Variants in CAPZB observed in about 807,000 individuals in gnomAD.
CAPZB encodes the protein capping actin protein of muscle Z-line subunit beta, also known as F-actin-capping protein subunit beta.
CAPZB carries 2 observed loss-of-function variants against 38.1 expected under a neutral mutation model. That is an observed-to-expected ratio of 0.05 (90% CI 0.02 to 0.17). CAPZB has a LOEUF of 0.17. Ranked by LOEUF, CAPZB falls within the 10% of genes least tolerant of loss-of-function variation. The pLI is 1.00. For synonymous variants in CAPZB, 107 were observed against 127.4 expected (o/e 0.84, Z 1.08); for missense variants, 161 against 334.2 (o/e 0.48, Z 4.04).
chr1:19,341,498 G>A (rs1387826402), intron 8 of CAPZB, among the ~76,000 whole-genome samples: 1 of 152,192 alleles, frequency 6.6e-6, no homozygotes, highest in Admixed American at 6.5e-5. Flanking sequence ...GTGAAATGGT[G>A]GAAGGCGGAA....
At chr1:19,457,880 G>GA (rs1220030102) in intron 1 of CAPZB, among the ~76,000 whole-genome samples, 2 of 152,032 alleles carry the variant, frequency 1.3e-5, no homozygotes, top group Non-Finnish European at 1.5e-5. Context: ...ACAACAACTG[G>GA]AAAAAACCTA....
chr1:19,451,383 G>A lies in CAPZB; in HGVS notation c.4-31633C>T, dbSNP rs562400138. Among the ~76,000 whole-genome samples, 73 of 152,294 alleles carry A rather than the reference G, an allele frequency of 4.8e-4. 1 individual carries two copies. The Middle Eastern group carries it at 0.01, about 21-fold the overall frequency. On this transcript the variant is annotated intron_variant, in intron 1 of 8. Coordinates refer to ENST00000264202, the MANE Select transcript of CAPZB (RefSeq NM_004930.5). ...TCACTGACACAGATGGCATGCAAAAGGCCTTTCAGAGTGGAAATGGACAAT... is the reference window on the plus strand; with the variant it reads ...TCACTGACACAGATGGCATGCAAAAAGCCTTTCAGAGTGGAAATGGACAAT...
intron 6 of CAPZB, among the ~76,000 whole-genome samples, chr1:19,350,118 G>C (rs540823367): frequency 5.3e-4 from 81 of 152,350 alleles, no homozygotes; most frequent in Non-Finnish European, 5.0e-4. Flanking sequence ...CAAGTGTTTG[G>C]AAGCTGGCAG....
intron 1 of CAPZB, among the ~76,000 whole-genome samples, chr1:19,474,194 C>A (rs900765867): frequency 2.0e-5 from 3 of 152,106 alleles, no homozygotes; most frequent in Non-Finnish European, 4.4e-5. Context: ...CAGGATTTCA[C>A]CCTGTTGGCC....
intron 2 of CAPZB, among the ~76,000 whole-genome samples, chr1:19,387,716 G>C (rs2094211493): frequency 1.3e-5 from 2 of 152,110 alleles, no homozygotes; most frequent in South Asian, 4.1e-4. Context: ...TTATGGCCTG[G>C]GTAAGTCATT....
At chr1:19,407,664 T>C (rs1174346959) in intron 2 of CAPZB, among the ~76,000 whole-genome samples, 1 of 152,188 alleles carries the variant, frequency 6.6e-6, no homozygotes, top group African/African-American at 2.4e-5. Context: ...GCTGCAAGGC[T>C]GGCTTGTCCT....
At chr1:19,465,055 A>T (rs377339918) in intron 1 of CAPZB, among the ~76,000 whole-genome samples, 2 of 152,206 alleles carry the variant, frequency 1.3e-5, no homozygotes, top group East Asian at 3.8e-4. Context: ...CCTGATTAAA[A>T]ACAAAAAAAA....
chr1:19,440,205 T>C lies in CAPZB; in HGVS notation c.4-20455A>G, dbSNP rs192854012. 1.3e-3 allele frequency among the ~76,000 whole-genome samples: 191 copies of C among 152,274 alleles called. 1 individual carries two copies. The highest frequency in any genetic ancestry group is 4.5e-3 in the African/African-American group (188 of 41,546). ...CTTGCATACCACCATGTCTGGTTAA[T>C]TTTTGTACTTTTTGGAGAGACGGGG... On this transcript the variant is annotated intron_variant, in intron 1 of 8. Transcript: ENST00000264202.
chr1:19,382,083 T>C (rs10753560), intron 3 of CAPZB, among the ~76,000 whole-genome samples: 123,210 of 152,046 alleles, frequency 0.81, 50,468 homozygotes, highest in African/African-American at 0.94. Flanking sequence ...TCCTGTAGGC[T>C]GGGAAGACCC....
chr1:19,413,616 G>T (rs2094366729), intron 2 of CAPZB, among the ~76,000 whole-genome samples: 2 of 91,472 alleles, frequency 2.2e-5, no homozygotes, highest in African/African-American at 6.5e-5. Context: ...TTATAAGTGT[G>T]AGCCACCAGG....
At chr1:19,419,837 C>A in intron 1 of CAPZB, 87 bp from the exon 2 acceptor site, 1 of 827,804 alleles carries the variant, frequency 1.2e-6, no homozygotes, top group Non-Finnish European at 2.0e-6. Flanking sequence ...TTGCCCAAGG[C>A]ATTCTAAAAC....
At chr1:19,478,101 G>T (rs1158376512) in intron 1 of CAPZB, among the ~76,000 whole-genome samples, 1 of 152,202 alleles carries the variant, frequency 6.6e-6, no homozygotes, top group Non-Finnish European at 1.5e-5. Context: ...GGTAACAACT[G>T]CTTCCAAGCT....
intron 1 of CAPZB, among the ~76,000 whole-genome samples, chr1:19,432,923 C>T (rs115863775): frequency 6.6e-6 from 1 of 152,242 alleles, no homozygotes; most frequent in Non-Finnish European, 1.5e-5. Flanking sequence ...ACAATGTCAT[C>T]TACTACCAAA....
intron 1 of CAPZB, among the ~76,000 whole-genome samples, chr1:19,479,766 G>A (rs974163627): frequency 2.0e-5 from 3 of 152,066 alleles, no homozygotes; most frequent in African/African-American, 4.8e-5. Flanking sequence ...CAGCCTCCTC[G>A]AATTTCTACC....
At chr1:19,450,825 T>G (rs778795464) in intron 1 of CAPZB, among the ~76,000 whole-genome samples, 1 of 152,150 alleles carries the variant, frequency 6.6e-6, no homozygotes, top group East Asian at 1.9e-4. Context: ...GTATCTAAAA[T>G]GCAGACACAT....
At chr1:19,442,240 C>T (rs1336587256) in intron 1 of CAPZB, among the ~76,000 whole-genome samples, 1 of 152,164 alleles carries the variant, frequency 6.6e-6, no homozygotes, top group Non-Finnish European at 1.5e-5. Flanking sequence ...CTGTTGTTTA[C>T]ATCGGGTACA....
intron 1 of CAPZB, among the ~76,000 whole-genome samples, chr1:19,433,145 T>TG (rs1324097721): frequency 6.6e-6 from 1 of 152,228 alleles, no homozygotes; most frequent in Non-Finnish European, 1.5e-5. Flanking sequence ...CACATGATCC[T>TG]GGCTGGTTTC....
At chr1:19,392,127 G>C (rs566948647) in intron 2 of CAPZB, among the ~76,000 whole-genome samples, 2 of 151,762 alleles carry the variant, frequency 1.3e-5, no homozygotes, top group East Asian at 3.9e-4. Context: ...AGGTTGCCGT[G>C]AGCCAAGACT....
At chr1:19,370,878 G>A (rs2094116325) in intron 4 of CAPZB, among the ~76,000 whole-genome samples, 1 of 152,174 alleles carries the variant, frequency 6.6e-6, no homozygotes. Context: ...GCAGGACCCA[G>A]CTCTCATTCC....
Sources: gnomAD v4.1 joint callset for allele counts (sites outside exome capture counted in the v4.1 genomes callset) on GRCh38, gnomAD v4.1.1 for gene constraint, MANE v1.5 for transcripts, NCBI Gene and HGNC (gene_info 2026-07-23, HGNC 2026-07-21) for gene names.